HIKESHI: variants seen among roughly 807,000 people sequenced by gnomAD.
The protein encoded by HIKESHI is protein Hikeshi.
A neutral mutation model predicts 25.7 loss-of-function variants in HIKESHI; 13 were observed. The observed-to-expected ratio is 0.51, with a 90% CI of 0.33 to 0.80. HIKESHI has a LOEUF of 0.80. Among genes scored for constraint, HIKESHI ranks in the 30% least tolerant of loss-of-function variants. The pLI, the probability that HIKESHI is intolerant of heterozygous loss-of-function variation, is 0.02. For synonymous variants in HIKESHI, 76 were observed against 78.7 expected, an observed-to-expected ratio of 0.97 and a Z score of 0.18; for missense variants, 174 against 229.5, an observed-to-expected ratio of 0.76 and a Z score of 1.56.
At chr11:86,323,703 T>TG (rs1302072871) in intron 2 of HIKESHI, among the ~76,000 whole-genome samples, 1 of 152,230 alleles carries the variant, frequency 6.6e-6, no homozygotes, top group Non-Finnish European at 1.5e-5. Context: ...TCTTTTCTCT[T>TG]GTGACACGTA....
intron 2 of HIKESHI, among the ~76,000 whole-genome samples, chr11:86,311,731 A>C (rs930908729): frequency 3.9e-5 from 6 of 152,104 alleles, no homozygotes; most frequent in African/African-American, 7.2e-5. Flanking sequence ...ACTGCTTTGA[A>C]TGTGTCCCAG....
At chr11:86,320,876 T>A (rs1022549192) in intron 2 of HIKESHI, among the ~76,000 whole-genome samples, 1 of 152,194 alleles carries the variant, frequency 6.6e-6, no homozygotes, top group Non-Finnish European at 1.5e-5. Context: ...CTTTTTTTAC[T>A]CAGAATAATT....
intron 2 of HIKESHI, among the ~76,000 whole-genome samples, chr11:86,333,526 C>T (rs934033719): frequency 6.7e-6 from 1 of 149,272 alleles, no homozygotes; most frequent in East Asian, 2.0e-4. Context: ...CAGAGTGAGA[C>T]TCTGTCTCAA....
intron 2 of HIKESHI, chr11:86,324,163 C>T (rs1385015131): frequency 6.6e-6 from 1 of 151,996 alleles, no homozygotes; most frequent in Non-Finnish European, 1.5e-5. Context: ...TCTCTCATTC[C>T]TAGGAGGGCA....
In HIKESHI at chr11:86,302,406, G is replaced by T; in HGVS notation, c.-43G>T. On this transcript the variant is annotated 5_prime_UTR_variant, in exon 1 of 5. Coordinates refer to ENST00000278483, the MANE Select transcript of HIKESHI (RefSeq NM_016401.4). ...GGCAGTAGCCCCAGGACTCCTAGTCGCCGGCTTCAGGTCACTGCCGGCTGA... is the reference window on the plus strand; with the variant it reads ...GGCAGTAGCCCCAGGACTCCTAGTCTCCGGCTTCAGGTCACTGCCGGCTGA... 1 of 1,550,906 alleles carries T rather than the reference G, an allele frequency of 6.4e-7. No homozygotes were observed. The highest frequency in any genetic ancestry group is 8.7e-7 in the Non-Finnish European group (1 of 1,146,792).
rs535064094 is a variant in HIKESHI at position 86,332,105 on chromosome 11, C to T, written c.269-5274C>T. ...CCTCCCGAGTAGCTGGGACTACAGGCGCCTGCCACCATGCCCAGCTAACTT... is the reference window on the plus strand; with the variant it reads ...CCTCCCGAGTAGCTGGGACTACAGGTGCCTGCCACCATGCCCAGCTAACTT... On this transcript the variant is annotated intron_variant, in intron 2 of 4. Coordinates refer to ENST00000278483, the MANE Select transcript of HIKESHI (RefSeq NM_016401.4). Among the ~76,000 whole-genome samples, 32 of 151,666 alleles carry T rather than the reference C, an allele frequency of 2.1e-4. No individual in the cohort carries two copies. In the South Asian group the frequency reaches 4.0e-3, roughly 19 times the overall value.
Position 86,302,320 on chromosome 11 carries a change from C to T in HIKESHI, c.-129C>T. On this transcript the variant is annotated 5_prime_UTR_variant, in exon 1 of 5. Transcript: ENST00000278483. ...GGCATTCTTGCCGCTGGCCCAGTCA[C>T]TATGTAGTGGAGGGGCAGACACCCT... 1 of 1,129,392 alleles carries T rather than the reference C, an allele frequency of 8.9e-7. No homozygotes were observed. The highest frequency in any genetic ancestry group is 1.3e-6 in the Non-Finnish European group (1 of 774,748). 70.0% of individuals were successfully genotyped at this position (1,129,392 alleles called of 1,614,324 possible). A position where few individuals can be genotyped will look rare whatever the true frequency, so the allele number is the denominator to read the frequency against.
intron 2 of HIKESHI, among the ~76,000 whole-genome samples, chr11:86,332,683 C>G (rs1947455127): frequency 1.3e-5 from 2 of 152,112 alleles, no homozygotes; most frequent in Admixed American, 6.5e-5. Flanking sequence ...TTGGAATTAG[C>G]TAGAGTAGAA....
intron 2 of HIKESHI, among the ~76,000 whole-genome samples, chr11:86,308,311 T>G (rs1946733002): frequency 1.2e-5 from 1 of 83,866 alleles, no homozygotes; most frequent in African/African-American, 5.2e-5. Context: ...ATATATTATA[T>G]ATAAAATATA....
intron 1 of HIKESHI, among the ~76,000 whole-genome samples, 200 bp from the exon 2 acceptor site, chr11:86,306,045 C>T (rs903222083): frequency 1.1e-4 from 16 of 151,984 alleles, no homozygotes; most frequent in Admixed American, 5.2e-4. Flanking sequence ...GTGATCTGCC[C>T]GAGTTATATT....
intron 2 of HIKESHI, among the ~76,000 whole-genome samples, chr11:86,319,243 T>TATATATA (rs1491256643): frequency 1.9e-3 from 68 of 36,516 alleles, no homozygotes; most frequent in African/African-American, 7.0e-3. Context: ...TATATATATA[T>TATATATA]TTTTTTTTTT....
chr11:86,329,203 C>G (rs962255932), intron 2 of HIKESHI, among the ~76,000 whole-genome samples: 4 of 147,706 alleles, frequency 2.7e-5, no homozygotes, highest in Non-Finnish European at 3.0e-5. Context: ...AAAAAAAAAG[C>G]TTTCAGAAAC....
chr11:86,318,579 T>A (rs977628153), intron 2 of HIKESHI, among the ~76,000 whole-genome samples: 1 of 152,012 alleles, frequency 6.6e-6, no homozygotes, highest in African/African-American at 2.4e-5. Flanking sequence ...GATATTGGCC[T>A]TTGTCAATTT....
intron 1 of HIKESHI, among the ~76,000 whole-genome samples, chr11:86,305,023 A>G (rs1232208226): frequency 6.6e-6 from 1 of 152,090 alleles, no homozygotes; most frequent in East Asian, 1.9e-4. Flanking sequence ...TTTTTGAGAC[A>G]GGGTCATGCT....
chr11:86,319,312 A>G (rs1311554345), intron 2 of HIKESHI, among the ~76,000 whole-genome samples: 1 of 143,340 alleles, frequency 7.0e-6, no homozygotes, highest in Non-Finnish European at 1.5e-5. Context: ...ATTTCAGCTC[A>G]CTGCAGCCTC....
chr11:86,342,058 A>G (rs1947745514), intron 3 of HIKESHI, among the ~76,000 whole-genome samples: 1 of 103,750 alleles, frequency 9.6e-6, no homozygotes, highest in South Asian at 3.9e-4. Flanking sequence ...AAATTTTGCC[A>G]AACTGATGAG....
chr11:86,323,531 A>G (rs886876953), intron 2 of HIKESHI, among the ~76,000 whole-genome samples: 1 of 152,240 alleles, frequency 6.6e-6, no homozygotes, highest in Non-Finnish European at 1.5e-5. Flanking sequence ...AGACATACCA[A>G]TCAAATTGTC....
intron 2 of HIKESHI, among the ~76,000 whole-genome samples, chr11:86,310,914 A>G (rs905638463): frequency 3.9e-5 from 6 of 152,184 alleles, no homozygotes; most frequent in Admixed American, 6.5e-5. Flanking sequence ...GATGAAGCCC[A>G]CTTGATCATG....
At chr11:86,320,245 T>C (rs1257699879) in intron 2 of HIKESHI, among the ~76,000 whole-genome samples, 1 of 152,248 alleles carries the variant, frequency 6.6e-6, no homozygotes, top group East Asian at 1.9e-4. Context: ...TCAGTTTCCT[T>C]TTTAAGCAGG....
Sources: allele counts gnomAD v4.1 joint callset (sites outside exome capture counted in the v4.1 genomes callset), GRCh38; gene constraint gnomAD v4.1.1; transcripts MANE v1.5; gene names NCBI Gene and HGNC (gene_info 2026-07-23, HGNC 2026-07-21).